FRMD4A: variants seen among roughly 807,000 people sequenced by gnomAD.
FRMD4A encodes the protein FERM domain containing 4A, also known as FERM domain-containing protein 4A.
Under a neutral mutation model 129.1 loss-of-function variants are expected in FRMD4A, and 29 were observed. That is an observed-to-expected ratio of 0.22 (90% confidence interval 0.17 to 0.31). The LOEUF is 0.31. Ranked by LOEUF, FRMD4A falls within the 10% of genes least tolerant of loss-of-function variation. FRMD4A has a pLI of 1.00. For synonymous variants in FRMD4A, 634 were observed against 571.6 expected, an observed-to-expected ratio of 1.11 and a Z score of -1.56; for missense variants, 1,272 against 1,375.8, an observed-to-expected ratio of 0.92 and a Z score of 1.19.
chr10:13,786,873 G>A (rs1217353576), intron 5 of FRMD4A, among the ~76,000 whole-genome samples: 1 of 152,116 alleles, frequency 6.6e-6, no homozygotes, highest in African/African-American at 2.4e-5. Context: ...AATGCCATAT[G>A]TTTCTTAAAA....
intron 18 of FRMD4A, among the ~76,000 whole-genome samples, chr10:13,664,774 A>G (rs2082885353): frequency 6.6e-6 from 1 of 151,898 alleles, no homozygotes; most frequent in Admixed American, 6.6e-5. Context: ...TCACAGGTAT[A>G]ATCATAGTGG....
intron 2 of FRMD4A, among the ~76,000 whole-genome samples, chr10:14,011,182 A>T (rs150643013): frequency 6.6e-6 from 1 of 152,234 alleles, no homozygotes; most frequent in Non-Finnish European, 1.5e-5. Flanking sequence ...AAAGGAAGAT[A>T]CATCCATTGA....
At chr10:14,070,576 T>G (rs561464449) in intron 2 of FRMD4A, among the ~76,000 whole-genome samples, 1 of 152,244 alleles carries the variant, frequency 6.6e-6, no homozygotes, top group Non-Finnish European at 1.5e-5. Context: ...GAGCACCTTC[T>G]GCTTTGGGTT....
At chr10:13,970,448 AC>A (rs2095510911) in intron 2 of FRMD4A, among the ~76,000 whole-genome samples, 1 of 152,062 alleles carries the variant, frequency 6.6e-6, no homozygotes, top group South Asian at 2.1e-4. Context: ...GAGCGAGGGG[AC>A]GGGTGGTTTA....
intron 2 of FRMD4A, among the ~76,000 whole-genome samples, chr10:14,075,023 TGTCC>T (rs1165322627): frequency 1.4e-5 from 2 of 142,398 alleles, no homozygotes; most frequent in African/African-American, 5.7e-5. Context: ...CAAAGAAAGA[TGTCC>T]TTATGAATTA....
intron 2 of FRMD4A, among the ~76,000 whole-genome samples, chr10:13,895,789 C>T (rs779860274): frequency 2.6e-5 from 4 of 152,036 alleles, no homozygotes; most frequent in Non-Finnish European, 5.9e-5. Context: ...GTCCAATATC[C>T]AGAATCTACA....
chr10:13,750,069 G>GAATAAAGAAAGA (rs2091502310), intron 8 of FRMD4A, among the ~76,000 whole-genome samples: 1 of 55,600 alleles, frequency 1.8e-5, no homozygotes, highest in African/African-American at 6.3e-5. Flanking sequence ...AGGAAGGAAG[G>GAATAAAGAAAGA]AAGAAAGAAA....
chr10:14,160,226 T>G (rs1840814550), intron 2 of FRMD4A, among the ~76,000 whole-genome samples: 1 of 152,208 alleles, frequency 6.6e-6, no homozygotes. Flanking sequence ...ACGAACATCC[T>G]CTTTAATAAA....
At chr10:14,068,512 A>T (rs957585707) in intron 2 of FRMD4A, among the ~76,000 whole-genome samples, 74 of 152,220 alleles carry the variant, frequency 4.9e-4, no homozygotes, top group African/African-American at 1.7e-3. Context: ...GTTTGAATTT[A>T]AACCTAACTT....
At chr10:14,105,868 C>T (rs537416654) in intron 2 of FRMD4A, among the ~76,000 whole-genome samples, 2 of 152,210 alleles carry the variant, frequency 1.3e-5, no homozygotes, top group South Asian at 2.1e-4. Flanking sequence ...TATCATGTTC[C>T]TCTGTTTCCT....
chr10:14,300,726 C>T (rs990379449), intron 2 of FRMD4A, among the ~76,000 whole-genome samples: 1 of 152,208 alleles, frequency 6.6e-6, no homozygotes, highest in African/African-American at 2.4e-5. Context: ...ACAGCTCCAT[C>T]TAAGGAGACA....
At chr10:13,764,334 A>G (rs973270469) in intron 6 of FRMD4A, among the ~76,000 whole-genome samples, 8 of 151,658 alleles carry the variant, frequency 5.3e-5, no homozygotes, top group African/African-American at 1.9e-4. Context: ...GCGAAACCCC[A>G]TCTCTATTAA....
At chr10:14,034,595 C>A (rs1163910222) in intron 2 of FRMD4A, among the ~76,000 whole-genome samples, 1 of 151,856 alleles carries the variant, frequency 6.6e-6, no homozygotes, top group Non-Finnish European at 1.5e-5. Flanking sequence ...GAGAGATGAT[C>A]AGATCTGATC....
chr10:13,678,871 T>C (rs1213273190), intron 15 of FRMD4A, among the ~76,000 whole-genome samples: 1 of 152,170 alleles, frequency 6.6e-6, no homozygotes, highest in East Asian at 1.9e-4. Flanking sequence ...AATTAGCATA[T>C]CCATTATCCA....
chr10:14,255,055 G>T (rs542791210), intron 2 of FRMD4A, among the ~76,000 whole-genome samples: 2 of 152,268 alleles, frequency 1.3e-5, no homozygotes, highest in Admixed American at 6.5e-5. Context: ...AATGCCTGTG[G>T]AGTAGGAGAA....
At position 14,123,429 on chromosome 10, in the gene FRMD4A, T is replaced by C. The variant is rs11258877; in HGVS notation, c.45+206629A>G. On this transcript the variant is annotated intron_variant, in intron 2 of 24. Coordinates refer to ENST00000357447, the MANE Select transcript of FRMD4A (RefSeq NM_018027.5). ...TTTCTCTTGCCAGCTGGGCAAGAGA[T>C]AGCTTCATGAAAACAAAGCCAGAAT... 1.0e-2 allele frequency among the ~76,000 whole-genome samples: 1,516 copies of C among 152,280 alleles called. 21 individuals carry two copies. The highest frequency in any genetic ancestry group is 0.033 in the African/African-American group (1,388 of 41,544).
At chr10:14,279,810 G>A (rs927632732) in intron 2 of FRMD4A, among the ~76,000 whole-genome samples, 28 of 152,130 alleles carry the variant, frequency 1.8e-4, no homozygotes, top group African/African-American at 3.1e-4. Context: ...TCAAAGAGAC[G>A]GAAGTCCAAA....
intron 2 of FRMD4A, among the ~76,000 whole-genome samples, chr10:14,043,017 A>G (rs1355058083): frequency 6.6e-6 from 1 of 152,024 alleles, no homozygotes; most frequent in Non-Finnish European, 1.5e-5. Flanking sequence ...ATCAACCTGT[A>G]CAATCCTCAT....
At chr10:14,234,160 C>T (rs2131992275) in intron 2 of FRMD4A, among the ~76,000 whole-genome samples, 1 of 152,166 alleles carries the variant, frequency 6.6e-6, no homozygotes, top group South Asian at 2.1e-4. Context: ...CTTGACATAG[C>T]ATCTGTGAAG....
Sources: gnomAD v4.1 joint callset for allele counts (sites outside exome capture counted in the v4.1 genomes callset) on GRCh38, gnomAD v4.1.1 for gene constraint, MANE v1.5 for transcripts, NCBI Gene and HGNC (gene_info 2026-07-23, HGNC 2026-07-21) for gene names.